Variants in PCDHAC1 observed in about 807,000 individuals in gnomAD.
PCDHAC1 encodes the protein protocadherin alpha-C1.
PCDHAC1 carries 42 observed loss-of-function variants against 60.0 expected under a neutral mutation model. That is an observed-to-expected ratio of 0.70 (90% CI 0.55 to 0.90). The LOEUF (loss-of-function observed/expected upper bound fraction) is 0.90, where lower values mean the gene tolerates loss of function less well. PCDHAC1 is among the 40% of genes least tolerant of loss of function. The pLI, the probability that PCDHAC1 is intolerant of heterozygous loss-of-function variation, is 0.00. For synonymous variants in PCDHAC1, 468 were observed against 499.3 expected (o/e 0.94, Z 0.84); for missense variants, 1,160 against 1,222.3 (o/e 0.95, Z 0.76).
At position 140,943,102 on chromosome 5, in the gene PCDHAC1, A is replaced by G. The variant is rs142380810; in HGVS notation, c.2433+13777A>G. 2.6e-3 allele frequency among the ~76,000 whole-genome samples: 391 copies of G among 151,972 alleles called. 4 individuals are homozygous for G. In the East Asian group the frequency reaches 0.045, roughly 17 times the overall value. ...TGAAATCCTGCCTCTACTAAAAAAT[A>G]CAAAAATTAGCCAGGTGTGGTAGTG... On this transcript the variant is annotated intron_variant, in intron 1 of 3. Transcript: ENST00000253807.
intron 1 of PCDHAC1, among the ~76,000 whole-genome samples, chr5:140,939,305 C>A (rs1251046319): frequency 6.6e-6 from 1 of 152,114 alleles, no homozygotes; most frequent in Non-Finnish European, 1.5e-5. Context: ...TCTACAAAAG[C>A]CCTACCTCCT....
chr5:140,950,247 A>G (rs1483854749), intron 1 of PCDHAC1, among the ~76,000 whole-genome samples: 1 of 152,004 alleles, frequency 6.6e-6, no homozygotes, highest in East Asian at 1.9e-4. Flanking sequence ...ATTTGTTCCT[A>G]AAGAGCTGAG....
intron 1 of PCDHAC1, chr5:140,969,364 T>C: frequency 6.2e-7 from 1 of 1,610,368 alleles, no homozygotes; most frequent in Non-Finnish European, 8.5e-7. Context: ...TTCTACAAAC[T>C]CATGCATTTG....
Position 140,928,478 on chromosome 5 carries a change from A to G in PCDHAC1, c.1586A>G (p.Asp529Gly), listed in dbSNP as rs1554205922. The G allele has an allele frequency of 6.2e-7, 1 of 1,614,132 alleles. No individual in the cohort carries two copies. Among genetic ancestry groups the G allele is most frequent in the East Asian group, 2.2e-5 (1 of 44,864 alleles). Reference sequence around the variant, plus strand: ...TTTCATTTCCAAGTAGAAGGCCGGGATGGTGGCATTCCTCCCAGAAGTGCA... The same window carrying G: ...TTTCATTTCCAAGTAGAAGGCCGGGGTGGTGGCATTCCTCCCAGAAGTGCA... Reference protein sequence around the residue: ...RGFHFQVEGRDGGIPPRSATV... With the variant: ...RGFHFQVEGRGGGIPPRSATV... The change falls in exon 1 of 4, where the codon GAT becomes GGT. Residue 529 changes from aspartate to glycine, a missense_variant. Physicochemically the swap from Asp to Gly is moderately conservative, Grantham distance 94. This residue lies in a region of PCDHAC1 where 1,113 missense variants were observed against 1,163.7 expected (regional missense o/e 0.96). Coordinates refer to ENST00000253807, the MANE Select transcript of PCDHAC1 (RefSeq NM_018898.5).
intron 3 of PCDHAC1, among the ~76,000 whole-genome samples, chr5:140,991,067 A>C (rs2097429962): frequency 6.6e-6 from 1 of 152,184 alleles, no homozygotes; most frequent in Admixed American, 6.5e-5. Flanking sequence ...TATTATTCCC[A>C]TGTTTCAGAT....
chr5:140,978,794 T>A, intron 1 of PCDHAC1, 155 bp from the exon 2 acceptor site: 1 of 978,746 alleles, frequency 1.0e-6, no homozygotes, highest in Non-Finnish European at 1.2e-6. Flanking sequence ...GTGCTATATA[T>A]GTAGATATCA....
At chr5:141,003,663 A>G (rs1298864445) in intron 3 of PCDHAC1, among the ~76,000 whole-genome samples, 4 of 152,204 alleles carry the variant, frequency 2.6e-5, no homozygotes, top group Non-Finnish European at 5.9e-5. Flanking sequence ...CATTTATTAA[A>G]ATATATGTTG....
At chr5:140,987,592 G>A (rs150671243) in intron 3 of PCDHAC1, among the ~76,000 whole-genome samples, 29 of 152,290 alleles carry the variant, frequency 1.9e-4, no homozygotes, top group Admixed American at 1.6e-3. Context: ...GAGAATAGTG[G>A]TGTCTACCTT....
At chr5:140,938,424 T>C (rs960926721) in intron 1 of PCDHAC1, among the ~76,000 whole-genome samples, 1 of 152,204 alleles carries the variant, frequency 6.6e-6, no homozygotes, top group African/African-American at 2.4e-5. Flanking sequence ...TTTGCAAAAA[T>C]CCTTTATCAG....
At chr5:140,985,129 G>T (rs545746675) in intron 3 of PCDHAC1, among the ~76,000 whole-genome samples, 15 of 152,188 alleles carry the variant, frequency 9.9e-5, no homozygotes, top group Admixed American at 8.5e-4. Context: ...AGTAAAGACG[G>T]GGTTTCACCG....
intron 3 of PCDHAC1, among the ~76,000 whole-genome samples, chr5:141,005,406 G>C (rs1224420854): frequency 1.3e-5 from 2 of 152,172 alleles, no homozygotes; most frequent in Non-Finnish European, 2.9e-5. Flanking sequence ...GACTTGAAGA[G>C]TGAGGAGTCA....
chr5:140,960,913 T>C (rs184385777), intron 1 of PCDHAC1, among the ~76,000 whole-genome samples: 10 of 152,320 alleles, frequency 6.6e-5, no homozygotes, highest in Admixed American at 2.6e-4. Flanking sequence ...GAGTTTCAGA[T>C]AGAAAATTGG....
At chr5:140,959,754 T>C (rs1265254392) in intron 1 of PCDHAC1, among the ~76,000 whole-genome samples, 1 of 152,222 alleles carries the variant, frequency 6.6e-6, no homozygotes, top group East Asian at 1.9e-4. Flanking sequence ...TAAAGTATAT[T>C]TTAATATTCA....
At chr5:140,978,703 G>A (rs556167285) in intron 1 of PCDHAC1, among the ~76,000 whole-genome samples, 9 of 152,210 alleles carry the variant, frequency 5.9e-5, no homozygotes, top group Non-Finnish European at 1.3e-4. Flanking sequence ...AGCCAAAGGT[G>A]GCCTTTACAA....
intron 1 of PCDHAC1, among the ~76,000 whole-genome samples, chr5:140,972,660 A>ATTTTT (rs11350929): frequency 8.5e-5 from 10 of 117,262 alleles, no homozygotes; most frequent in Non-Finnish European, 1.6e-4. Context: ...AAGAAACCAA[A>ATTTTT]TTTTTTTTTT....
chr5:140,999,180 GAGA>G (rs1554256675), intron 3 of PCDHAC1, among the ~76,000 whole-genome samples: 1 of 152,238 alleles, frequency 6.6e-6, no homozygotes, highest in East Asian at 1.9e-4. Context: ...GCCTGATGGG[GAGA>G]GGGTCCTTGG....
At chr5:140,967,626 G>T in intron 1 of PCDHAC1, 2 of 1,614,138 alleles carry the variant, frequency 1.2e-6, no homozygotes, top group Non-Finnish European at 1.7e-6. Flanking sequence ...CCGGATGAGG[G>T]CTCCAATGGT....
At chr5:140,987,941 G>A (rs1554249697) in intron 3 of PCDHAC1, among the ~76,000 whole-genome samples, 1 of 152,104 alleles carries the variant, frequency 6.6e-6, no homozygotes, top group African/African-American at 2.4e-5. Flanking sequence ...ATTCTTACCT[G>A]TCTGACAAAA....
chr5:140,958,890 A>G (rs1379321415), intron 1 of PCDHAC1, among the ~76,000 whole-genome samples: 1 of 152,044 alleles, frequency 6.6e-6, no homozygotes, highest in African/African-American at 2.4e-5. Context: ...CAGTAGCTAT[A>G]TAATAGATAC....
Sources: gnomAD v4.1 joint callset for allele counts (sites outside exome capture counted in the v4.1 genomes callset) on GRCh38, gnomAD v4.1.1 for gene constraint, gnomAD v4.1.1 regional missense constraint, MANE v1.5 for transcripts, NCBI Gene and HGNC (gene_info 2026-07-23, HGNC 2026-07-21) for gene names.